CAMKMT: variants seen among roughly 807,000 people sequenced by gnomAD.
CAMKMT encodes calmodulin-lysine N-methyltransferase, also known as CaM KMT.
A neutral mutation model predicts 48.0 loss-of-function variants in CAMKMT; 53 were observed. That is an observed-to-expected ratio of 1.10 (90% confidence interval 0.89 to 1.39). The LOEUF is 1.39. Among genes scored for constraint, CAMKMT ranks in the 40% most tolerant of loss-of-function variants. The probability of loss-of-function intolerance (pLI) is 0.00; values close to 1 mark genes in which losing one functional copy is unlikely to be tolerated. For synonymous variants in CAMKMT, 165 were observed against 152.3 expected (o/e 1.08, Z -0.61); for missense variants, 428 against 402.7 (o/e 1.06, Z -0.54).
chr2:44,436,080 T>G (rs573252493), intron 3 of CAMKMT, among the ~76,000 whole-genome samples: 2 of 152,210 alleles, frequency 1.3e-5, no homozygotes, highest in South Asian at 4.2e-4. Flanking sequence ...TTTTTTTCTT[T>G]TTTCTTGTTT....
At chr2:44,532,370 A>G (rs1666532527) in intron 3 of CAMKMT, among the ~76,000 whole-genome samples, 1 of 152,252 alleles carries the variant, frequency 6.6e-6, no homozygotes, top group African/African-American at 2.4e-5. Flanking sequence ...GCAAACAGAA[A>G]ATTATTATAA....
intron 3 of CAMKMT, among the ~76,000 whole-genome samples, chr2:44,410,731 G>C (rs115191524): frequency 2.6e-5 from 4 of 152,246 alleles, no homozygotes; most frequent in Non-Finnish European, 5.9e-5. Context: ...TCATTAACAA[G>C]TGAAGGATTG....
intron 3 of CAMKMT, among the ~76,000 whole-genome samples, chr2:44,517,881 T>G (rs1384567376): frequency 6.6e-6 from 1 of 152,238 alleles, no homozygotes; most frequent in Non-Finnish European, 1.5e-5. Context: ...TTAATTAATT[T>G]GTTTCCTAAA....
chr2:44,460,354 A>G (rs1667784278), intron 3 of CAMKMT, among the ~76,000 whole-genome samples: 1 of 152,212 alleles, frequency 6.6e-6, no homozygotes, highest in African/African-American at 2.4e-5. Flanking sequence ...CTGTAGGCAC[A>G]GTTACATGGG....
intron 9 of CAMKMT, among the ~76,000 whole-genome samples, chr2:44,756,796 C>T (rs73924547): frequency 0.11 from 16,825 of 151,524 alleles, 995 homozygotes; most frequent in South Asian, 0.15. Flanking sequence ...AACACAGGGG[C>T]TACATGGTGG....
At chr2:44,421,383 ATAAAC>A (rs1449731313) in intron 3 of CAMKMT, among the ~76,000 whole-genome samples, 1 of 152,200 alleles carries the variant, frequency 6.6e-6, no homozygotes, top group Non-Finnish European at 1.5e-5. Context: ...AATTGAAGTT[ATAAAC>A]TAAAGATCCT....
intron 2 of CAMKMT, among the ~76,000 whole-genome samples, chr2:44,382,675 T>G (rs1242650599): frequency 6.6e-6 from 1 of 151,820 alleles, no homozygotes; most frequent in Non-Finnish European, 1.5e-5. Flanking sequence ...GATACAGGGT[T>G]TCACTGTGTT....
intron 3 of CAMKMT, among the ~76,000 whole-genome samples, chr2:44,407,726 C>G (rs1228967206): frequency 6.6e-6 from 1 of 152,158 alleles, no homozygotes; most frequent in East Asian, 1.9e-4. Context: ...GATGGGCAGA[C>G]TGAAGGCAAG....
chr2:44,634,622 CTCTT>C (rs1673016236), intron 3 of CAMKMT, among the ~76,000 whole-genome samples: 1 of 151,968 alleles, frequency 6.6e-6, no homozygotes, highest in African/African-American at 2.4e-5. Context: ...AAAGGAATAA[CTCTT>C]TCTATCTTCA....
intron 3 of CAMKMT, among the ~76,000 whole-genome samples, chr2:44,651,977 A>C (rs1330564406): frequency 6.6e-6 from 1 of 152,226 alleles, no homozygotes; most frequent in Non-Finnish European, 1.5e-5. Flanking sequence ...TGAAAAAGTG[A>C]CATTTGAAGA....
chr2:44,744,733 G>T (rs1411550408), intron 8 of CAMKMT, among the ~76,000 whole-genome samples: 1 of 151,884 alleles, frequency 6.6e-6, no homozygotes, highest in Non-Finnish European at 1.5e-5. Context: ...ATTTTAATAA[G>T]ATTTTCAATG....
intron 3 of CAMKMT, among the ~76,000 whole-genome samples, chr2:44,512,071 C>T (rs951443750): frequency 7.9e-5 from 12 of 152,158 alleles, no homozygotes; most frequent in Non-Finnish European, 5.9e-5. Flanking sequence ...CTTCCGATTG[C>T]GTCTTCCTTA....
chr2:44,414,569 C>T (rs1193816399), intron 3 of CAMKMT, among the ~76,000 whole-genome samples: 3 of 152,148 alleles, frequency 2.0e-5, no homozygotes, highest in Non-Finnish European at 4.4e-5. Context: ...AGAGTGGACA[C>T]CCAAGATGAG....
In CAMKMT at chr2:44,390,281, A is replaced by G. The variant is rs1296286988; in HGVS notation, c.352A>G (p.Ser118Gly). The change falls in exon 3 of 11, where the codon AGC becomes GGC. Residue 118 changes from serine to glycine, a missense_variant. Coordinates refer to ENST00000378494, the MANE Select transcript of CAMKMT (RefSeq NM_024766.5). ...CTTGAATGTTGAAGATGTCCTTACC[A>G]GCTTTGACAATACAGGAAATGTTTG... ...GSLNVEDVLT[S>G]FDNTGNVCIW... 6.2e-7 allele frequency: 1 copy of G among 1,609,358 alleles called. No homozygotes were observed. The highest frequency in any genetic ancestry group is 8.5e-7 in the Non-Finnish European group (1 of 1,177,714).
At chr2:44,626,799 A>T (rs1672508504) in intron 3 of CAMKMT, among the ~76,000 whole-genome samples, 2 of 152,166 alleles carry the variant, frequency 1.3e-5, no homozygotes, top group South Asian at 4.1e-4. Context: ...AGAACATTGC[A>T]CGAGACCATG....
intron 7 of CAMKMT, among the ~76,000 whole-genome samples, chr2:44,735,664 G>C (rs893773968): frequency 6.6e-6 from 1 of 151,912 alleles, no homozygotes; most frequent in African/African-American, 2.4e-5. Flanking sequence ...CACTTTGGGA[G>C]GCCAAAGTGG....
chr2:44,416,263 A>T, intron 3 of CAMKMT, among the ~76,000 whole-genome samples: 1 of 152,196 alleles, frequency 6.6e-6, no homozygotes, highest in Non-Finnish European at 1.5e-5. Context: ...GTAATGTATG[A>T]TTTAGTTTAC....
At chr2:44,681,294 C>A (rs1676006394) in intron 3 of CAMKMT, among the ~76,000 whole-genome samples, 1 of 152,116 alleles carries the variant, frequency 6.6e-6, no homozygotes, top group African/African-American at 2.4e-5. Flanking sequence ...AATAAATGGC[C>A]TTGTTTTAAG....
intron 3 of CAMKMT, among the ~76,000 whole-genome samples, chr2:44,672,150 A>G (rs938294030): frequency 1.3e-5 from 2 of 152,150 alleles, no homozygotes; most frequent in South Asian, 2.1e-4. Context: ...TTAAGCTGCA[A>G]TTATTTCCTC....
Sources: allele counts gnomAD v4.1 joint callset (sites outside exome capture counted in the v4.1 genomes callset), GRCh38; gene constraint gnomAD v4.1.1; transcripts MANE v1.5; gene names NCBI Gene and HGNC (gene_info 2026-07-23, HGNC 2026-07-21).